CDH23: variants seen among roughly 807,000 people sequenced by gnomAD.
CDH23 encodes cadherin related 23, also known as cadherin-23.
In CDH23, 189 loss-of-function variants were observed where a neutral mutation model predicts 317.1. That is an observed-to-expected ratio of 0.60 (90% confidence interval 0.53 to 0.67). CDH23 has a LOEUF of 0.67. Ranked by LOEUF, CDH23 falls within the 30% of genes least tolerant of loss-of-function variation. CDH23 has a pLI of 0.00. For missense variants in CDH23, 4,401 were observed against 4,592.4 expected (o/e 0.96, Z 1.20); for synonymous variants, 1,839 against 1,876.8 (o/e 0.98, Z 0.52).
chr10:71,760,809 G>A, intron 38 of CDH23: 1 of 1,525,306 alleles, frequency 6.6e-7, no homozygotes, highest in Non-Finnish European at 9.1e-7. Context: ...GGGTCTGGGT[G>A]CAGGATGAGG....
Position 71,743,436 on chromosome 10 carries a change from T to C in CDH23, c.4845+1515T>C, listed in dbSNP as rs534403439. ...GATGTTGGTCCAATAACTCCAGGAA[T>C]TGGGATTGGGTTAATAATCCAGGAA... is the stretch of plus-strand genomic sequence containing the variant. On this transcript the variant is annotated intron_variant, in intron 38 of 69. Transcript: ENST00000224721. 1.8e-4 allele frequency among the ~76,000 whole-genome samples: 28 copies of C among 152,258 alleles called. No individual in the cohort carries two copies. In the South Asian group the frequency reaches 5.2e-3, roughly 28 times the overall value.
chr10:71,543,069 AG>A (rs1274806864), intron 6 of CDH23, among the ~76,000 whole-genome samples: 1 of 152,240 alleles, frequency 6.6e-6, no homozygotes, highest in African/African-American at 2.4e-5. Context: ...TAGCAAGTCC[AG>A]AACTTCTCAG....
chr10:71,658,008 G>A (rs906200957), intron 14 of CDH23, among the ~76,000 whole-genome samples: 9 of 152,124 alleles, frequency 5.9e-5, no homozygotes, highest in Non-Finnish European at 1.0e-4. Flanking sequence ...GGACACACTC[G>A]CTCCCATTTG....
At chr10:71,486,805 G>A (rs971546331) in intron 3 of CDH23, among the ~76,000 whole-genome samples, 13 of 152,160 alleles carry the variant, frequency 8.5e-5, no homozygotes, top group South Asian at 4.1e-4. Context: ...GGAGGCTTAC[G>A]GGGGTGTGCA....
At chr10:71,453,171 G>A (rs1330886957) in intron 3 of CDH23, among the ~76,000 whole-genome samples, 2 of 152,204 alleles carry the variant, frequency 1.3e-5, no homozygotes, top group Non-Finnish European at 1.5e-5. Flanking sequence ...TCACCTACAC[G>A]AGTAAATTAG....
intron 8 of CDH23, among the ~76,000 whole-genome samples, chr10:71,572,660 T>C (rs1308117274): frequency 2.7e-4 from 41 of 152,160 alleles, no homozygotes; most frequent in Admixed American, 2.7e-3. Flanking sequence ...CCCAGTTCAC[T>C]CTCTACCTTT....
chr10:71,603,535 C>A (rs757965916), intron 9 of CDH23, among the ~76,000 whole-genome samples: 1 of 152,182 alleles, frequency 6.6e-6, no homozygotes. Context: ...CAAGGAGAGA[C>A]CCCAGTTGAA....
intron 3 of CDH23, among the ~76,000 whole-genome samples, chr10:71,453,953 G>A (rs184447843): frequency 1.1e-4 from 17 of 152,352 alleles, no homozygotes; most frequent in African/African-American, 3.6e-4. Context: ...TATAGGGGGT[G>A]TTAGACAATA....
At chr10:71,466,062 A>T (rs564704552) in intron 3 of CDH23, among the ~76,000 whole-genome samples, 1 of 152,200 alleles carries the variant, frequency 6.6e-6, no homozygotes, top group African/African-American at 2.4e-5. Flanking sequence ...CATTCCGGAA[A>T]AGCAAGAGAG....
At chr10:71,459,944 T>G (rs1410862804) in intron 3 of CDH23, among the ~76,000 whole-genome samples, 1 of 152,168 alleles carries the variant, frequency 6.6e-6, no homozygotes, top group East Asian at 1.9e-4. Context: ...TGGCCCAACT[T>G]CTCCCTCCTG....
At chr10:71,495,309 C>T (rs1034956723) in intron 3 of CDH23, among the ~76,000 whole-genome samples, 1 of 152,080 alleles carries the variant, frequency 6.6e-6, no homozygotes, top group African/African-American at 2.4e-5. Flanking sequence ...AGGGACTTTT[C>T]TGACCTCCTT....
chr10:71,443,181 C>T (rs1002422202), intron 2 of CDH23, among the ~76,000 whole-genome samples: 8 of 152,192 alleles, frequency 5.3e-5, no homozygotes, highest in East Asian at 3.8e-4. Context: ...GGGAGGCGAC[C>T]GGGGCTTGGA....
At position 71,803,075 on chromosome 10, in the gene CDH23, G is replaced by T; in HGVS notation, c.7660G>T (p.Glu2554Ter). 6.2e-7 allele frequency: 1 copy of T among 1,607,494 alleles called. No individual in the cohort carries two copies. Among genetic ancestry groups the T allele is most frequent in the Non-Finnish European group, 8.5e-7 (1 of 1,174,680 alleles). The stretch of plus-strand genomic sequence containing the variant: ...CTACTCACTTGAGGGCCCTGGCGTG[G>T]GTATGTGGCCTTCCTTGGACACCCA... ...LTYSLEGPGV[E>*]AFHVDMDSGL... is the part of the protein sequence containing the mutation. Residue 2554 changes from glutamate (E) to a stop codon, truncating the protein, a stop_gained and splice_region_variant, in exon 54 of 70, where the codon GAG becomes TAG. Coordinates refer to ENST00000224721, the MANE Select transcript of CDH23 (RefSeq NM_022124.6). LOFTEE classifies it high-confidence loss of function.
At position 71,811,326 on chromosome 10, in the gene CDH23, T is replaced by C. The variant is rs1841915833; in HGVS notation, c.9089T>C (p.Met3030Thr). The C allele has an allele frequency of 1.2e-6, 2 of 1,613,668 alleles. No homozygotes were observed. Among genetic ancestry groups the C allele is most frequent in the Admixed American group, 1.7e-5 (1 of 60,002 alleles). Reference sequence around the variant, plus strand: ...TGCCCCTCGCCCAGGGTGATCCAGATGATCGATGAGAACAAGGAGCAGCTA... The same window carrying C: ...TGCCCCTCGCCCAGGGTGATCCAGACGATCGATGAGAACAAGGAGCAGCTA... ...RILDVDRVIQ[M>T]IDENKEQLRN... The change falls in exon 63 of 70, where the codon ATG becomes ACG. Residue 3030 changes from methionine to threonine, a missense_variant. By Grantham distance (81) the Met-to-Thr change is moderately conservative. This residue lies in a region of CDH23 where 1,144 missense variants were observed against 1,138.2 expected (regional missense o/e 1.01). Coordinates refer to ENST00000224721, the MANE Select transcript of CDH23 (RefSeq NM_022124.6).
At position 71,810,062 on chromosome 10, in the gene CDH23, AC is replaced by A; in HGVS notation, c.8966del (p.Thr2989MetfsTer14). The A allele has an allele frequency of 6.2e-7, 1 of 1,612,332 alleles. No individual in the cohort carries two copies. The highest frequency in any genetic ancestry group is 8.5e-7 in the Non-Finnish European group (1 of 1,179,622). On this transcript the variant is annotated frameshift_variant, in exon 61 of 70. Transcript: ENST00000224721. LOFTEE classifies it high-confidence loss of function. ...LSNITGAIVN[T>X]DNVQFHVDKK... ...CAACATCACTGGGGCCATTGTCAAT[AC>A]TGACAATGTGCAGGTGCCTCATGGG...
At chr10:71,635,447 T>C (rs984512580) in intron 11 of CDH23, 5 of 152,392 alleles carry the variant, frequency 3.3e-5, no homozygotes, top group African/African-American at 9.6e-5. Flanking sequence ...TTGAAATACA[T>C]GGAATTCACC....
In CDH23 at chr10:71,815,153, A is replaced by T. The variant is rs770498500; in HGVS notation, c.9940A>T (p.Thr3314Ser). Reference sequence around the variant, plus strand: ...GAAGGGCCTGGGCCGCTCGCTGGAGACGCTGACCGCTGCCGAGGCCACTGC... The same window carrying T: ...GAAGGGCCTGGGCCGCTCGCTGGAGTCGCTGACCGCTGCCGAGGCCACTGC... ...DQKGLGRSLE[T>S]LTAAEATAFE... Residue 3314 changes from threonine (T) to serine (S), a missense_variant, in exon 70 of 70, where the codon ACG becomes TCG. Coordinates refer to ENST00000224721, the MANE Select transcript of CDH23 (RefSeq NM_022124.6). The T allele has an allele frequency of 6.2e-7, 1 of 1,611,532 alleles. No individual in the cohort carries two copies. Among genetic ancestry groups the T allele is most frequent in the South Asian group, 1.1e-5 (1 of 90,832 alleles).
At position 71,784,317 on chromosome 10, in the gene CDH23, T is replaced by A. The variant is rs540755001; in HGVS notation, c.5399T>A (p.Val1800Glu). The A allele has an allele frequency of 1.4e-5, 22 of 1,613,522 alleles. No homozygotes were observed. In the East Asian group the frequency reaches 3.1e-4, roughly 23 times the overall value. ...GEFVISPVEG[V>E]LRVRKDVELD... ...TTTGTGATCTCTCCTGTGGAGGGGG[T>A]GCTAAGGGTCCGGAAGGACGTGGAG... Residue 1800 changes from valine (V) to glutamate (E), a missense_variant, in exon 42 of 70, where the codon GTG becomes GAG. Val to Glu is a moderately radical substitution (Grantham distance 121, BLOSUM62 -2). Transcript: ENST00000224721.
At chr10:71,795,963 G>A in intron 48 of CDH23, 1 of 985,900 alleles carries the variant, frequency 1.0e-6, no homozygotes, top group Non-Finnish European at 1.2e-6. Context: ...CCAAGGCCGT[G>A]GCCCAGCCTT....
Sources: gnomAD v4.1 joint callset for allele counts (sites outside exome capture counted in the v4.1 genomes callset) on GRCh38, gnomAD v4.1.1 for gene constraint, gnomAD v4.1.1 regional missense constraint, MANE v1.5 for transcripts, NCBI Gene and HGNC (gene_info 2026-07-23, HGNC 2026-07-21) for gene names.